The following GNA11 variants were observed in gnomAD, a reference collection of about 807,000 sequenced individuals.
The protein encoded by GNA11 is guanine nucleotide-binding protein subunit alpha-11.
A neutral mutation model predicts 38.2 loss-of-function variants in GNA11; 8 were observed. The observed-to-expected ratio is 0.21, with a 90% CI of 0.12 to 0.38. The LOEUF (loss-of-function observed/expected upper bound fraction) is 0.38, where lower values mean the gene tolerates loss of function less well. Among genes scored for constraint, GNA11 ranks in the 10% least tolerant of loss-of-function variants. The pLI, the probability that GNA11 is intolerant of heterozygous loss-of-function variation, is 1.00. For synonymous variants in GNA11, 211 were observed against 221.4 expected (o/e 0.95, Z 0.42); for missense variants, 268 against 516.3 (o/e 0.52, Z 4.66).
Position 3,114,530 on chromosome 19 carries a change from C to G in GNA11, c.477-414C>G, listed in dbSNP as rs1202016094. 2.6e-5 allele frequency among the ~76,000 whole-genome samples: 4 copies of G among 152,134 alleles called. No homozygotes were observed. The South Asian group carries it at 8.3e-4, about 32-fold the overall frequency. On this transcript the variant is annotated intron_variant, in intron 3 of 6. Transcript: ENST00000078429. ...ACCTCTGCAGCCTCTGCAGCTGCGA[C>G]TCTCCTAATGATGCGCTTGTTTGTG...
intron 1 of GNA11, among the ~76,000 whole-genome samples, chr19:3,102,497 T>C (rs1913530709): frequency 6.6e-6 from 1 of 152,076 alleles, no homozygotes; most frequent in African/African-American, 2.4e-5. Context: ...TGCCTGAGGG[T>C]GCGTGCTGGA....
At chr19:3,102,607 G>A (rs1038489209) in intron 1 of GNA11, among the ~76,000 whole-genome samples, 9 of 152,146 alleles carry the variant, frequency 5.9e-5, no homozygotes, top group African/African-American at 1.9e-4. Flanking sequence ...GTGACTTCAG[G>A]GAGGCAGCTT....
chr19:3,104,077 C>T (rs1185301602), intron 1 of GNA11, among the ~76,000 whole-genome samples: 1 of 152,204 alleles, frequency 6.6e-6, no homozygotes, highest in East Asian at 1.9e-4. Context: ...CTGCCTCGGC[C>T]TCAAAGTGCT....
rs1913740843 is a variant in GNA11 at position 3,110,327 on chromosome 19, G to C, written c.315G>C (p.Gln105His). The C allele has an allele frequency of 1.9e-6, 3 of 1,609,652 alleles. No homozygotes were observed. Among genetic ancestry groups the C allele is most frequent in the Non-Finnish European group, 2.6e-6 (3 of 1,176,436 alleles). ...ETLKILYKYEQNKANALLIRE... is the reference protein window; with the variant it reads ...ETLKILYKYEHNKANALLIRE... ...TCAAGATCCTCTACAAGTACGAGCA[G>C]AACAAGGTGAGCCCGCGGGCGCCTG... The change falls in exon 2 of 7, where the codon CAG becomes CAC. Residue 105 changes from glutamine to histidine, a missense_variant. Gln to His is a conservative substitution (Grantham distance 24). Around this residue, in one of 3 missense-constraint regions of GNA11, gnomAD observed 151 missense variants for 254.0 expected, o/e 0.59. Transcript: ENST00000078429. This position sits in a 1 kb window ranked among gnomAD's most constrained non-coding sequence, Gnocchi z 5.4.
At position 3,122,312 on chromosome 19, in the gene GNA11, C is replaced by A. The variant is rs746363163; in HGVS notation, c.*1133C>A. 1 of 232,494 alleles carries A rather than the reference C, an allele frequency of 4.3e-6. No individual in the cohort carries two copies. The highest frequency in any genetic ancestry group is 5.6e-5 in the Admixed American group (1 of 17,764). 14.4% of individuals were successfully genotyped at this position (232,494 alleles called of 1,614,324 possible). A position where few individuals can be genotyped will look rare whatever the true frequency, so the allele number is the denominator to read the frequency against. On this transcript the variant is annotated 3_prime_UTR_variant, in exon 7 of 7. Transcript: ENST00000078429. The surrounding 1 kb of genome is among the most constrained non-coding windows in gnomAD (Gnocchi z 7.7). ...GCCTTGTCCCAAGCACTTGCGCCCG[C>A]CCCCGAGCGCCGCCCCCGGGGAGCG...
At position 3,121,094 on chromosome 19, in the gene GNA11, C is replaced by CCGA. The variant is rs1167813079; in HGVS notation, c.997_999dup (p.Asp333dup). ...ATCTACTCACACTTCACGTGTGCCA[C>CCGA]CGACACGGAGAACATCCGCTTCGTG... On this transcript the variant is annotated inframe_insertion, in exon 7 of 7. Transcript: ENST00000078429. The CCGA allele has an allele frequency of 6.2e-7, 1 of 1,613,624 alleles. No individual in the cohort carries two copies. Among genetic ancestry groups the CCGA allele is most frequent in the Non-Finnish European group, 8.5e-7 (1 of 1,179,738 alleles).
In GNA11 at chr19:3,119,404, T is replaced by A; in HGVS notation, c.889+45T>A. The A allele has an allele frequency of 6.3e-7, 1 of 1,584,364 alleles. No individual in the cohort carries two copies. Among genetic ancestry groups the A allele is most frequent in the Non-Finnish European group, 8.6e-7 (1 of 1,160,768 alleles). On this transcript the variant is annotated intron_variant, in intron 6 of 6. Coordinates refer to ENST00000078429, the MANE Select transcript of GNA11 (RefSeq NM_002067.5). This position sits in a 1 kb window ranked among gnomAD's most constrained non-coding sequence, Gnocchi z 4.6. Reference sequence around the variant, plus strand: ...GGGGAGGGGCTCGCGGGCAGGGCCTTACTGGGGGGAGGGGGCTGATATGGG... The same window carrying A: ...GGGGAGGGGCTCGCGGGCAGGGCCTAACTGGGGGGAGGGGGCTGATATGGG...
intron 3 of GNA11, among the ~76,000 whole-genome samples, chr19:3,113,746 A>T (rs761113600): frequency 6.6e-6 from 1 of 152,172 alleles, no homozygotes; most frequent in Admixed American, 6.5e-5. Context: ...TCCCTGGGTC[A>T]GGAGTGAGCT....
chr19:3,105,253 C>A (rs1913612231), intron 1 of GNA11, among the ~76,000 whole-genome samples: 1 of 152,222 alleles, frequency 6.6e-6, no homozygotes, highest in African/African-American at 2.4e-5. Context: ...CTGCAGTGTT[C>A]TCTTTTCCTA....
chr19:3,121,026 C>A lies in GNA11; in HGVS notation c.927C>A (p.Ile309=). 2 of 1,613,654 alleles carry A rather than the reference C, an allele frequency of 1.2e-6. No homozygotes were observed. Among genetic ancestry groups the A allele is most frequent in the Non-Finnish European group, 1.7e-6 (2 of 1,179,784 alleles). ...ACGCCCAGGCGGCGCGGGAGTTCAT[C>A]CTGAAGATGTTCGTGGACCTGAACC... The part of the protein sequence containing the change: ...QRDAQAAREF[I]LKMFVDLNPD... The change falls in exon 7 of 7, where the codon ATC becomes ATA. Residue 309 remains isoleucine (I), a synonymous_variant. Coordinates refer to ENST00000078429, the MANE Select transcript of GNA11 (RefSeq NM_002067.5).
At chr19:3,111,263 G>A (rs932190738) in intron 2 of GNA11, among the ~76,000 whole-genome samples, 8 of 152,248 alleles carry the variant, frequency 5.3e-5, no homozygotes, top group African/African-American at 9.6e-5. Flanking sequence ...AGCCATCACC[G>A]CTGTCGGATT....
At chr19:3,101,326 G>A (rs1051974806) in intron 1 of GNA11, among the ~76,000 whole-genome samples, 1 of 152,190 alleles carries the variant, frequency 6.6e-6, no homozygotes. Flanking sequence ...GGGACTGTGG[G>A]GCCAGGTCCA....
rs1361873140 is a variant in GNA11, at chr19:3,123,315, C to G, written c.*2136C>G. Reference sequence around the variant, plus strand: ...AGCCGGGCTGGGACCGCCAAAACGTCGTGGCCTGGATCCTCTGGGTCTGAG... The same window carrying G: ...AGCCGGGCTGGGACCGCCAAAACGTGGTGGCCTGGATCCTCTGGGTCTGAG... On this transcript the variant is annotated 3_prime_UTR_variant, in exon 7 of 7. Transcript: ENST00000078429. 4.3e-6 allele frequency: 1 copy of G among 233,396 alleles called. No individual in the cohort carries two copies. The highest frequency in any genetic ancestry group is 8.5e-6 in the Non-Finnish European group (1 of 118,254). The allele number at this position is 233,396 out of a possible 1,614,324, so 14.5% of individuals were successfully genotyped here. A position where few individuals can be genotyped will look rare whatever the true frequency, so the allele number is the denominator to read the frequency against.
In GNA11 at chr19:3,119,174, C is replaced by G; in HGVS notation, c.736-32C>G. The G allele has an allele frequency of 2.5e-6, 4 of 1,610,332 alleles. No homozygotes were observed. The highest frequency in any genetic ancestry group is 3.4e-6 in the Non-Finnish European group (4 of 1,177,834). The stretch of plus-strand genomic sequence containing the variant: ...TGGGCTGTGTGCAGTGGGGAGGGCC[C>G]CTCTGATTCCCTCTGCCTTCGCTCC... On this transcript the variant is annotated intron_variant, in intron 5 of 6. Transcript: ENST00000078429. The surrounding 1 kb of genome is among the most constrained non-coding windows in gnomAD (Gnocchi z 4.6).
At position 3,096,528 on chromosome 19, in the gene GNA11, T is replaced by C. The variant is rs1406231200; in HGVS notation, c.136+1741T>C. Among the ~76,000 whole-genome samples, 4 of 152,202 alleles carry C rather than the reference T, an allele frequency of 2.6e-5. No individual in the cohort carries two copies. The East Asian group carries it at 7.7e-4, about 29-fold the overall frequency. On this transcript the variant is annotated intron_variant, in intron 1 of 6. Coordinates refer to ENST00000078429, the MANE Select transcript of GNA11 (RefSeq NM_002067.5). ...CTGCATGCACCCGGTCTTCTGTGCC[T>C]GCACTTTGGACTTGAGATTGACACG... is the stretch of plus-strand genomic sequence containing the variant.
At position 3,123,292 on chromosome 19, in the gene GNA11, C is replaced by G. The variant is rs1914132551; in HGVS notation, c.*2113C>G. 4.3e-6 allele frequency: 1 copy of G among 233,178 alleles called. No individual in the cohort carries two copies. Among genetic ancestry groups the G allele is most frequent in the Non-Finnish European group, 8.5e-6 (1 of 118,124 alleles). 14.4% of individuals were successfully genotyped at this position (233,178 alleles called of 1,614,324 possible). ...AGGGGGCGTGCCAAGCATCCCAGAG[C>G]CGGGCTGGGACCGCCAAAACGTCGT... On this transcript the variant is annotated 3_prime_UTR_variant, in exon 7 of 7. Transcript: ENST00000078429.
chr19:3,097,673 G>A (rs1192267546), intron 1 of GNA11, among the ~76,000 whole-genome samples: 3 of 152,238 alleles, frequency 2.0e-5, no homozygotes, highest in Non-Finnish European at 2.9e-5. Flanking sequence ...GGGGTGGGGG[G>A]GACCTTACGG....
chr19:3,120,564 CG>C lies in GNA11; in HGVS notation c.890-424del. On this transcript the variant is annotated intron_variant, in intron 6 of 6. Transcript: ENST00000078429. This position sits in a 1 kb window ranked among gnomAD's most constrained non-coding sequence, Gnocchi z 5.9. ...TGAGGCCTGGCTGCAGCAGGGGCAC[CG>C]TGGGTGGGTGGGGGCCACTGTTCCT... Among the ~76,000 whole-genome samples the C allele has an allele frequency of 6.6e-6, 1 of 151,760 alleles. No homozygotes were observed. The highest frequency in any genetic ancestry group is 2.4e-5 in the African/African-American group (1 of 41,312).
intron 1 of GNA11, among the ~76,000 whole-genome samples, chr19:3,101,224 T>C (rs1366687557): frequency 6.6e-6 from 1 of 152,178 alleles, no homozygotes; most frequent in Non-Finnish European, 1.5e-5. Flanking sequence ...TTGTTAACCG[T>C]GTCCACACTG....
Sources: allele counts gnomAD v4.1 joint callset (sites outside exome capture counted in the v4.1 genomes callset), GRCh38; gene constraint gnomAD v4.1.1; regional missense constraint gnomAD v4.1.1; non-coding constraint Gnocchi (gnomAD v3.1); transcripts MANE v1.5; gene names NCBI Gene and HGNC (gene_info 2026-07-23, HGNC 2026-07-21).